The following TPR variants were observed in gnomAD, a reference collection of about 807,000 sequenced individuals.
The protein encoded by TPR is translocated promoter region, nuclear basket protein.
Under a neutral mutation model 316.1 loss-of-function variants are expected in TPR, and 51 were observed. That is an observed-to-expected ratio of 0.16 (90% confidence interval 0.13 to 0.20). The LOEUF (loss-of-function observed/expected upper bound fraction) is 0.20, where lower values mean the gene tolerates loss of function less well. Among genes scored for constraint, TPR ranks in the 10% least tolerant of loss-of-function variants. The probability of loss-of-function intolerance (pLI) is 1.00; values close to 1 mark genes in which losing one functional copy is unlikely to be tolerated. For missense variants in TPR, 2,272 were observed against 2,754.8 expected (o/e 0.82, Z 3.92); for synonymous variants, 981 against 914.7 (o/e 1.07, Z -1.31).
rs1658187356 is a variant in TPR, at chr1:186,332,224, A to G, written c.5575T>C (p.Leu1859=). ...GTTCCTACAGGTGTGACACTTTTCA[A>G]CTTCTTTGGAAGAGGCATTTCCACT... ...DTVEMPLPKK[L]KSVTPVGTEE... Residue 1859 remains leucine, a synonymous_variant, in exon 38 of 51, where the codon TTG becomes CTG. Transcript: ENST00000367478. The G allele has an allele frequency of 1.9e-6, 3 of 1,611,680 alleles. No individual in the cohort carries two copies. Among genetic ancestry groups the G allele is most frequent in the Non-Finnish European group, 2.5e-6 (3 of 1,179,106 alleles).
intron 26 of TPR, 56 bp downstream of exon 26, chr1:186,343,850 A>G: frequency 7.3e-7 from 1 of 1,378,392 alleles, no homozygotes; most frequent in Non-Finnish European, 1.0e-6. Flanking sequence ...ATATATTTGT[A>G]GTTTCATTTC....
chr1:186,341,495 G>C (rs1658504309), intron 27 of TPR, 106 bp from the exon 28 acceptor site: 2 of 1,262,394 alleles, frequency 1.6e-6, no homozygotes, highest in Admixed American at 3.2e-5. Context: ...GAGGATTTAA[G>C]TTTCAACTTT....
chr1:186,327,059 TA>T (rs1215468343), intron 40 of TPR, among the ~76,000 whole-genome samples: 1 of 10,144 alleles, frequency 9.9e-5, no homozygotes, highest in African/African-American at 3.8e-4. Flanking sequence ...ATAACATATA[TA>T]TTATATATAA....
chr1:186,356,604 T>C, intron 14 of TPR, 155 bp from the exon 15 acceptor site: 1 of 664,700 alleles, frequency 1.5e-6, no homozygotes, highest in Non-Finnish European at 2.4e-6. Flanking sequence ...TATGAACTAC[T>C]TTTTAAATCC....
chr1:186,340,816 T>C (rs1291232953), intron 29 of TPR, among the ~76,000 whole-genome samples: 1 of 152,170 alleles, frequency 6.6e-6, no homozygotes, highest in Non-Finnish European at 1.5e-5. Flanking sequence ...AACTGCTTTT[T>C]AGAAATATAT....
At chr1:186,328,122 A>G (rs923062252) in intron 39 of TPR, among the ~76,000 whole-genome samples, 1 of 152,184 alleles carries the variant, frequency 6.6e-6, no homozygotes, top group African/African-American at 2.4e-5. Flanking sequence ...GTATTTTTGA[A>G]GAAAGAAGAT....
intron 37 of TPR, among the ~76,000 whole-genome samples, chr1:186,332,777 G>A (rs913807061): frequency 2.6e-5 from 4 of 151,982 alleles, no homozygotes; most frequent in African/African-American, 7.2e-5. Context: ...CAGGACTTCC[G>A]TTAAATTATA....
chr1:186,320,174 A>G (rs751951748), intron 46 of TPR, 138 bp downstream of exon 46: 3 of 725,332 alleles, frequency 4.1e-6, no homozygotes, highest in Non-Finnish European at 6.4e-6. Context: ...ATACTACAGC[A>G]TTTAAAAAAA....
chr1:186,344,272 G>A (rs968812024), intron 25 of TPR, 103 bp downstream of exon 25: 1 of 1,434,430 alleles, frequency 7.0e-7, no homozygotes, highest in Admixed American at 2.0e-5. Flanking sequence ...TTGCACTCCA[G>A]CATGGGTGAC....
At chr1:186,322,751 A>G in intron 43 of TPR, 165 bp from the exon 44 acceptor site, 3 of 648,746 alleles carry the variant, frequency 4.6e-6, no homozygotes, top group Non-Finnish European at 8.0e-6. Context: ...ACTTTTGTCA[A>G]TGACAAATTT....
intron 21 of TPR, 97 bp from the exon 22 acceptor site, chr1:186,347,555 A>G: frequency 7.9e-7 from 1 of 1,266,252 alleles, no homozygotes; most frequent in South Asian, 1.8e-5. Context: ...AGGTTCAAAT[A>G]CAGATATATT....
At chr1:186,338,389 C>T (rs1658403410) in intron 30 of TPR, 146 bp from the exon 31 acceptor site, 2 of 642,232 alleles carry the variant, frequency 3.1e-6, no homozygotes, top group Non-Finnish European at 5.1e-6. Flanking sequence ...AAAGGTAAGA[C>T]CTTACGAATT....
chr1:186,316,241 G>A lies in TPR; in HGVS notation c.6940+1241C>T, dbSNP rs1051526663. Among the ~76,000 whole-genome samples the A allele has an allele frequency of 1.2e-4, 19 of 152,116 alleles. 1 individual carries two copies. The highest frequency in any genetic ancestry group is 4.2e-4 in the South Asian group (2 of 4,818). ...TTATACATTTTTTAAGCCTTACTGCGTATGAAATGGTTCTGTAATTTACAT... is the reference window on the plus strand; with the variant it reads ...TTATACATTTTTTAAGCCTTACTGCATATGAAATGGTTCTGTAATTTACAT... On this transcript the variant is annotated intron_variant, in intron 49 of 50. Coordinates refer to ENST00000367478, the MANE Select transcript of TPR (RefSeq NM_003292.3).
Position 186,322,346 on chromosome 1 carries a change from G to A in TPR, c.6433C>T (p.Arg2145Cys), listed in dbSNP as rs1248079873. 3.7e-6 allele frequency: 6 copies of A among 1,612,936 alleles called. No individual in the cohort carries two copies. Among genetic ancestry groups the A allele is most frequent in the South Asian group, 1.1e-5 (1 of 90,828 alleles). Reference protein sequence around the residue: ...PSTPTLVVPHRTDGFAEAIHS... With the variant: ...PSTPTLVVPHCTDGFAEAIHS... ...ATTGCTTCAGCAAATCCATCAGTAC[G>A]ATGTGGCACCACAAGAGTTGGAGTA... Residue 2145 changes from arginine to cysteine, a missense_variant, in exon 45 of 51, where the codon CGT becomes TGT. By Grantham distance (180) the Arg-to-Cys change is radical. Coordinates refer to ENST00000367478, the MANE Select transcript of TPR (RefSeq NM_003292.3).
chr1:186,317,277 T>C (rs1657638790), intron 49 of TPR, among the ~76,000 whole-genome samples: 1 of 152,258 alleles, frequency 6.6e-6, no homozygotes, highest in Non-Finnish European at 1.5e-5. Context: ...ACCATGTCCA[T>C]ATTTCTTATT....
Position 186,360,355 on chromosome 1 carries a change from A to G in TPR, c.1109T>C (p.Leu370Ser). The G allele has an allele frequency of 1.9e-6, 3 of 1,613,278 alleles. No individual in the cohort carries two copies. Among genetic ancestry groups the G allele is most frequent in the Non-Finnish European group, 2.5e-6 (3 of 1,179,448 alleles). ...CATGGCGGCAAGCTCTTCTTCAGAC[A>G]ATATGGCTCCTGTGCCAACAAATAC... Reference protein sequence around the residue: ...LSATKRKGAILSEEELAAMSP... With the variant: ...LSATKRKGAISSEEELAAMSP... The change falls in exon 11 of 51, where the codon TTG (leucine) becomes TCG (serine). Residue 370 changes from leucine to serine, a missense_variant. Transcript: ENST00000367478.
chr1:186,354,386 A>G (rs1189862487), intron 17 of TPR, among the ~76,000 whole-genome samples: 1 of 152,208 alleles, frequency 6.6e-6, no homozygotes, highest in African/African-American at 2.4e-5. Flanking sequence ...TTAAGTTATT[A>G]TACAGGGTTA....
intron 50 of TPR, 61 bp from the exon 51 acceptor site, chr1:186,314,087 C>A: frequency 1.4e-6 from 2 of 1,463,060 alleles, no homozygotes; most frequent in South Asian, 2.3e-5. Flanking sequence ...CTAGTGTATT[C>A]ACTTACCCTA....
chr1:186,328,442 C>A (rs956612707), intron 39 of TPR, among the ~76,000 whole-genome samples: 3 of 151,774 alleles, frequency 2.0e-5, no homozygotes, highest in African/African-American at 7.3e-5. Context: ...ACTAAGTCTT[C>A]AAAAATCTGA....
Sources: allele counts gnomAD v4.1 joint callset (sites outside exome capture counted in the v4.1 genomes callset), GRCh38; gene constraint gnomAD v4.1.1; transcripts MANE v1.5; gene names NCBI Gene and HGNC (gene_info 2026-07-23, HGNC 2026-07-21).